Variants in CTIF observed in about 807,000 individuals in gnomAD.
The protein encoded by CTIF is cap binding complex dependent translation initiation factor, also known as CBP80/20-dependent translation initiation factor.
Under a neutral mutation model 66.0 loss-of-function variants are expected in CTIF, and 21 were observed. That is an observed-to-expected ratio of 0.32 (90% CI 0.23 to 0.46). The LOEUF (loss-of-function observed/expected upper bound fraction) is 0.46. Ranked by LOEUF, CTIF falls within the 20% of genes least tolerant of loss-of-function variation. CTIF has a pLI of 1.00. For synonymous variants in CTIF, 345 were observed against 326.4 expected (o/e 1.06, Z -0.62); for missense variants, 739 against 812.7 (o/e 0.91, Z 1.10).
At chr18:48,678,518 G>T (rs1206113688) in intron 6 of CTIF, among the ~76,000 whole-genome samples, 2 of 152,044 alleles carry the variant, frequency 1.3e-5, no homozygotes, top group Admixed American at 1.3e-4. Flanking sequence ...AGACCTCCAG[G>T]TAGCAGGTCC....
chr18:48,603,369 A>AGATGGCTGGATGGATGGATG (rs2090135793), intron 1 of CTIF, among the ~76,000 whole-genome samples: 1 of 123,342 alleles, frequency 8.1e-6, no homozygotes, highest in Non-Finnish European at 1.6e-5. Flanking sequence ...ATAGGTGGGT[A>AGATGGCTGGATGGATGGATG]GATGGATGGA....
intron 1 of CTIF, among the ~76,000 whole-genome samples, chr18:48,593,289 T>G (rs1417526946): frequency 6.6e-6 from 1 of 152,202 alleles, no homozygotes; most frequent in Admixed American, 6.5e-5. Flanking sequence ...AAGTTTGTAG[T>G]GCATTTGAAG....
intron 10 of CTIF, among the ~76,000 whole-genome samples, chr18:48,840,410 G>A (rs1433478667): frequency 6.6e-6 from 1 of 152,176 alleles, no homozygotes; most frequent in Non-Finnish European, 1.5e-5. Flanking sequence ...ACAGAATATT[G>A]ACTCACATGC....
intron 1 of CTIF, among the ~76,000 whole-genome samples, chr18:48,587,982 A>G (rs2089807837): frequency 6.6e-6 from 1 of 152,192 alleles, no homozygotes; most frequent in Admixed American, 6.5e-5. Context: ...GATGTGCTTG[A>G]CAGTGGGAAA....
chr18:48,740,406 C>A (rs1357532145), intron 7 of CTIF, among the ~76,000 whole-genome samples: 2 of 152,240 alleles, frequency 1.3e-5, no homozygotes, highest in Non-Finnish European at 2.9e-5. Flanking sequence ...TGCAACCCCA[C>A]CCTCACTGGC....
At chr18:48,784,155 T>A (rs1911499860) in intron 9 of CTIF, among the ~76,000 whole-genome samples, 1 of 152,086 alleles carries the variant, frequency 6.6e-6, no homozygotes, top group South Asian at 2.1e-4. Context: ...ACCCAGTAAC[T>A]CCAGACCAGC....
At chr18:48,741,953 A>T (rs924031644) in intron 7 of CTIF, among the ~76,000 whole-genome samples, 2 of 152,128 alleles carry the variant, frequency 1.3e-5, no homozygotes, top group African/African-American at 4.8e-5. Context: ...CTCAGAAACC[A>T]CTTACCAGGG....
At chr18:48,839,495 C>T (rs992376918) in intron 10 of CTIF, among the ~76,000 whole-genome samples, 1 of 152,224 alleles carries the variant, frequency 6.6e-6, no homozygotes, top group Admixed American at 6.5e-5. Context: ...CTAAACACCC[C>T]ACATCCTCTT....
At chr18:48,575,565 C>T (rs868431903) in intron 1 of CTIF, among the ~76,000 whole-genome samples, 1 of 152,228 alleles carries the variant, frequency 6.6e-6, no homozygotes, top group South Asian at 2.1e-4. Flanking sequence ...ACCTCCAAGC[C>T]CTGCAACCCC....
At chr18:48,684,430 C>T (rs552856418) in intron 6 of CTIF, among the ~76,000 whole-genome samples, 3 of 152,162 alleles carry the variant, frequency 2.0e-5, no homozygotes, top group East Asian at 1.9e-4. Flanking sequence ...CACCCTATTT[C>T]GAATACAGAT....
At chr18:48,778,500 C>T (rs1031767568) in intron 9 of CTIF, among the ~76,000 whole-genome samples, 9 of 152,136 alleles carry the variant, frequency 5.9e-5, no homozygotes, top group Admixed American at 1.3e-4. Flanking sequence ...GACTCTCATC[C>T]GGGGTTTGTA....
intron 1 of CTIF, among the ~76,000 whole-genome samples, chr18:48,611,492 C>T (rs2090306803): frequency 6.6e-6 from 1 of 152,278 alleles, no homozygotes; most frequent in South Asian, 2.1e-4. Flanking sequence ...TTCTAGCCCT[C>T]TGGCCAGAGC....
intron 10 of CTIF, among the ~76,000 whole-genome samples, chr18:48,822,120 G>T (rs919499431): frequency 1.1e-4 from 16 of 152,196 alleles, no homozygotes; most frequent in Admixed American, 9.8e-4. Context: ...AATGTCATCA[G>T]AGTTCATCCA....
chr18:48,616,634 C>A (rs531293255), intron 1 of CTIF, among the ~76,000 whole-genome samples: 2 of 152,134 alleles, frequency 1.3e-5, no homozygotes, highest in South Asian at 2.1e-4. Context: ...AGGGTTGCTG[C>A]GAAGGTGAAG....
At chr18:48,778,807 G>A (rs868497820) in intron 9 of CTIF, among the ~76,000 whole-genome samples, 3 of 152,314 alleles carry the variant, frequency 2.0e-5, no homozygotes, top group East Asian at 3.9e-4. Flanking sequence ...AACTGGAGGC[G>A]TTCTGGGGGC....
chr18:48,629,431 A>G (rs1449297146), intron 2 of CTIF, among the ~76,000 whole-genome samples: 1 of 152,304 alleles, frequency 6.6e-6, no homozygotes, highest in Non-Finnish European at 1.5e-5. Flanking sequence ...TGATATATAT[A>G]ATTTATACAT....
At chr18:48,594,810 G>A (rs931854356) in intron 1 of CTIF, among the ~76,000 whole-genome samples, 13 of 152,316 alleles carry the variant, frequency 8.5e-5, no homozygotes, top group East Asian at 1.9e-4. Flanking sequence ...GAACTGCCCC[G>A]CTTGGGCCTC....
chr18:48,705,893 G>A (rs1021526021), intron 6 of CTIF, among the ~76,000 whole-genome samples: 3 of 152,228 alleles, frequency 2.0e-5, no homozygotes, highest in African/African-American at 4.8e-5. Flanking sequence ...AGAGGCGCCC[G>A]TTCAACTTCA....
intron 6 of CTIF, among the ~76,000 whole-genome samples, chr18:48,689,344 G>A (rs1249347959): frequency 6.6e-6 from 1 of 152,220 alleles, no homozygotes; most frequent in Admixed American, 6.5e-5. Context: ...AGGACAGAGT[G>A]GCCGAGTCAC....
Sources: allele counts gnomAD v4.1 joint callset (sites outside exome capture counted in the v4.1 genomes callset), GRCh38; gene constraint gnomAD v4.1.1; transcripts MANE v1.5; gene names NCBI Gene and HGNC (gene_info 2026-07-23, HGNC 2026-07-21).